The following NR4A1 variants were observed in gnomAD, a reference collection of about 807,000 sequenced individuals.
NR4A1 encodes nuclear receptor subfamily 4immunitygroup A member 1.
A neutral mutation model predicts 47.5 loss-of-function variants in NR4A1; 24 were observed. The observed-to-expected ratio is 0.50, with a 90% confidence interval of 0.37 to 0.71. NR4A1 has a LOEUF of 0.71. NR4A1 is among the 30% of genes least tolerant of loss of function. The probability of loss-of-function intolerance (pLI) is 0.00; values close to 1 mark genes in which losing one functional copy is unlikely to be tolerated. For synonymous variants in NR4A1, 353 were observed against 345.7 expected (o/e 1.02, Z -0.24); for missense variants, 669 against 788.6 (o/e 0.85, Z 1.82).
chr12:52,038,716 A>G (rs1703952871), intron 1 of NR4A1: 2 of 763,778 alleles, frequency 2.6e-6, no homozygotes, highest in Non-Finnish European at 4.8e-6. Context: ...AGGAATGACA[A>G]GTGCACAGTA....
At chr12:52,037,910 T>C (rs1207984982) in intron 1 of NR4A1, 1 of 983,856 alleles carries the variant, frequency 1.0e-6, no homozygotes, top group Non-Finnish European at 1.2e-6. Flanking sequence ...GCGTGTTTTT[T>C]TGTTGTTGTT....
intron 4 of NR4A1, 27 bp downstream of exon 4, chr12:52,056,672 G>C: frequency 6.5e-7 from 1 of 1,546,668 alleles, no homozygotes; most frequent in Admixed American, 2.3e-5. Flanking sequence ...TGTCTGCCTT[G>C]GGGAGGTCTA....
In NR4A1 at chr12:52,057,047, G is replaced by A. The variant is rs1873989; in HGVS notation, c.1159-10G>A. 2.6e-3 allele frequency: 4,119 copies of A among 1,584,168 alleles called. 97 individuals carry two copies. In the African/African-American group the frequency reaches 0.05, roughly 19 times the overall value. On this transcript the variant is annotated splice_polypyrimidine_tract_variant and intron_variant, in intron 4 of 6. Transcript: ENST00000394825. ...CCTGGGGTGCTGACCCCACTGGACC[G>A]TCTTCCTAGTTCCAGGAGCTGGTGC...
intron 2 of NR4A1, 173 bp from the exon 3 acceptor site, chr12:52,055,857 C>A: frequency 2.1e-6 from 1 of 465,786 alleles, no homozygotes; most frequent in Non-Finnish European, 3.8e-6. Flanking sequence ...TTTTCTCTCC[C>A]CCCGCCCAAC....
chr12:52,046,259 A>C (rs1721155874), intron 2 of NR4A1, among the ~76,000 whole-genome samples: 1 of 152,270 alleles, frequency 6.6e-6, no homozygotes, highest in African/African-American at 2.4e-5. Flanking sequence ...ATGGTGGTGG[A>C]CATTGGCTGC....
At position 52,056,604 on chromosome 12, in the gene NR4A1, C is replaced by T; in HGVS notation, c.1117C>T (p.Leu373=). ...CCTCACTTCCCTGGTCCGTGCACAC[C>T]TGGACTCAGGGCCCAGCACTGCCAA... ...NLLTSLVRAH[L]DSGPSTAKLD... The change falls in exon 4 of 7, where the codon CTG becomes TTG. Residue 373 remains leucine (L), a synonymous_variant. Coordinates refer to ENST00000394825, the MANE Select transcript of NR4A1 (RefSeq NM_173157.3). 1.2e-6 allele frequency: 2 copies of T among 1,612,442 alleles called. No homozygotes were observed. The highest frequency in any genetic ancestry group is 1.7e-6 in the Non-Finnish European group (2 of 1,179,570).
intron 1 of NR4A1, among the ~76,000 whole-genome samples, chr12:52,051,925 G>A (rs1292092008): frequency 6.6e-6 from 1 of 152,086 alleles, no homozygotes. Context: ...GCACCGTGGG[G>A]GAACAGGTAC....
At chr12:52,048,344 C>T (rs371695224), upstream of NR4A1, among the ~76,000 whole-genome samples, 186 of 151,892 alleles carry the variant, frequency 1.2e-3, 9 homozygotes, top group South Asian at 0.037. Flanking sequence ...CCTGTAATCC[C>T]AGCACTTTGG....
At chr12:52,049,660 C>CAACAA (rs1343189664), upstream of NR4A1, among the ~76,000 whole-genome samples, 1 of 152,038 alleles carries the variant, frequency 6.6e-6, no homozygotes, top group Non-Finnish European at 1.5e-5. Flanking sequence ...GTCTCAAAGA[C>CAACAA]AACAAAACAA....
chr12:52,035,944 G>A (rs959267065), intron 1 of NR4A1, among the ~76,000 whole-genome samples: 10 of 152,122 alleles, frequency 6.6e-5, no homozygotes, highest in Non-Finnish European at 2.9e-5. Flanking sequence ...GCTGGAGATT[G>A]TATAGCATGC....
chr12:52,058,784 C>CCCAG lies in NR4A1; in HGVS notation c.1647_1650dup (p.Cys551GlnfsTer40). On this transcript the variant is annotated frameshift_variant, in exon 7 of 7. Transcript: ENST00000394825. LOFTEE classifies it high-confidence loss of function. Reference sequence around the variant, plus strand: ...CACGTGGCAGCTGTGGCGGGCGAGCCCCAGCCAGCCAGCTGCCTGTCACGT... The same window carrying CCCAG: ...CACGTGGCAGCTGTGGCGGGCGAGCCCCAGCCAGCCAGCCAGCTGCCTGTCACGT... 6.2e-7 allele frequency: 1 copy of CCCAG among 1,611,962 alleles called. No homozygotes were observed. Among genetic ancestry groups the CCCAG allele is most frequent in the Non-Finnish European group, 8.5e-7 (1 of 1,179,614 alleles).
rs1028229275 is a variant in NR4A1, at chr12:52,035,243, G to A, written c.-83-6567G>A. On this transcript the variant is annotated intron_variant, in intron 1 of 7. Transcript: ENST00000360284. ...CCTCCACATGCCACCCAAAGCGTGC[G>A]TGTTCTGGCATTCCACATTTTAGAA... 3.3e-5 allele frequency among the ~76,000 whole-genome samples: 5 copies of A among 152,276 alleles called. No individual in the cohort carries two copies. In the South Asian group the frequency reaches 8.3e-4, roughly 25 times the overall value.
intron 2 of NR4A1, chr12:52,045,499 G>GA: frequency 2.2e-6 from 1 of 451,796 alleles, no homozygotes; most frequent in Non-Finnish European, 4.4e-6. Context: ...GACAGTGGGG[G>GA]AGCCCAGGCC....
intron 1 of NR4A1, chr12:52,038,089 G>A: frequency 1.0e-6 from 1 of 974,960 alleles, no homozygotes; most frequent in Non-Finnish European, 1.2e-6. Flanking sequence ...TTTTGAGATG[G>A]AGTCTCGCTC....
intron 2 of NR4A1, chr12:52,045,596 T>A: frequency 2.2e-6 from 1 of 445,374 alleles, no homozygotes; most frequent in Admixed American, 2.5e-5. Flanking sequence ...ATGTCTGCAT[T>A]AGGCAGATGA....
At position 52,057,081 on chromosome 12, in the gene NR4A1, T is replaced by C; in HGVS notation, c.1183T>C (p.Phe395Leu). 2 of 1,608,374 alleles carry C rather than the reference T, an allele frequency of 1.2e-6. No homozygotes were observed. Among genetic ancestry groups the C allele is most frequent in the Non-Finnish European group, 1.7e-6 (2 of 1,177,254 alleles). The change falls in exon 5 of 7, where the codon TTT becomes CTT. Residue 395 changes from phenylalanine to leucine, a missense_variant. Transcript: ENST00000394825. ...SKFQELVLPH[F>L]GKEDAGDVQQ... ...GTTCCAGGAGCTGGTGCTGCCCCAC[T>C]TTGGGAAGGAAGATGCTGGGGATGT...
upstream of NR4A1, among the ~76,000 whole-genome samples, chr12:52,047,094 C>T (rs1016246830): frequency 6.6e-6 from 1 of 152,116 alleles, no homozygotes; most frequent in African/African-American, 2.4e-5. Context: ...TCCATGTTGT[C>T]ATGGCCTTGC....
At chr12:52,045,506 G>A in intron 2 of NR4A1, 2 of 452,354 alleles carry the variant, frequency 4.4e-6, no homozygotes, top group Non-Finnish European at 4.4e-6. Context: ...GGGGAGCCCA[G>A]GCCCCAGGCA....
chr12:52,038,852 A>T (rs1231174449), intron 1 of NR4A1: 6 of 695,446 alleles, frequency 8.6e-6, no homozygotes, highest in Non-Finnish European at 1.6e-5. Context: ...TGAGGAGTTC[A>T]GGCCCTGTGC....
Sources: allele counts gnomAD v4.1 joint callset (sites outside exome capture counted in the v4.1 genomes callset), GRCh38; gene constraint gnomAD v4.1.1; transcripts MANE v1.5; gene names NCBI Gene and HGNC (gene_info 2026-07-23, HGNC 2026-07-21).